The following PDE1C variants were observed in gnomAD, a reference collection of about 807,000 sequenced individuals.
PDE1C encodes dual specificity calcium/calmodulin-dependent 3',5'-cyclic nucleotide phosphodiesterase 1C.
Under a neutral mutation model 93.1 loss-of-function variants are expected in PDE1C, and 62 were observed. The ratio of observed to expected loss-of-function variants is 0.67; its 90% CI spans 0.54 to 0.82. PDE1C has a LOEUF of 0.82. Among genes scored for constraint, PDE1C ranks in the 40% least tolerant of loss-of-function variants. The pLI, the probability that PDE1C is intolerant of heterozygous loss-of-function variation, is 0.00. For synonymous variants in PDE1C, 325 were observed against 310.1 expected, an observed-to-expected ratio of 1.05 and a Z score of -0.50; for missense variants, 742 against 884.6, an observed-to-expected ratio of 0.84 and a Z score of 2.04.
chr7:32,310,662 T>C (rs1246676490), intron 1 of PDE1C, among the ~76,000 whole-genome samples: 14 of 151,928 alleles, frequency 9.2e-5, no homozygotes, highest in Admixed American at 6.6e-4. Flanking sequence ...ACTGGGTACA[T>C]AATGAAATGA....
At chr7:32,054,436 T>C (rs1315566012) in intron 1 of PDE1C, among the ~76,000 whole-genome samples, 2 of 152,182 alleles carry the variant, frequency 1.3e-5, no homozygotes, top group African/African-American at 2.4e-5. Flanking sequence ...GTGCCTGCCA[T>C]GTAAGAGGCA....
the PDE1C span, among the ~76,000 whole-genome samples, chr7:31,720,019 C>T: frequency 3.3e-5 from 5 of 150,590 alleles, no homozygotes; most frequent in Non-Finnish European, 5.9e-5. Flanking sequence ...AAAAATTAGC[C>T]GGGCGCGGTG....
At chr7:31,890,379 T>A (rs948610294) in intron 2 of PDE1C, among the ~76,000 whole-genome samples, 2 of 152,226 alleles carry the variant, frequency 1.3e-5, no homozygotes, top group Non-Finnish European at 2.9e-5. Flanking sequence ...CATCTTTGAA[T>A]GGCACTAATG....
Position 31,775,684 on chromosome 7 carries a change from G to A in PDE1C, c.1940C>T (p.Thr647Met), listed in dbSNP as rs755306360. ...CCCACCTGGCAACGTAAGGCGACAC[G>A]TGGAGCTGGTGCTTGGGGCTGGTGA... ...HGSPAPSTSS[T>M]CRLTLPVIKP... Residue 647 changes from threonine to methionine, a missense_variant, in exon 17 of 18, where the codon ACG (threonine) becomes ATG (methionine). Physicochemically the swap from Thr to Met is moderately conservative, Grantham distance 81. This residue lies in a region of PDE1C where 454 missense variants were observed against 459.4 expected (regional missense o/e 0.99). Transcript: ENST00000396191. 1.8e-5 allele frequency: 29 copies of A among 1,612,836 alleles called. No individual in the cohort carries two copies. In the East Asian group the frequency reaches 4.0e-4, roughly 22 times the overall value.
At chr7:31,651,010 T>A in the PDE1C span, 14 of 921,874 alleles carry the variant, frequency 1.5e-5, no homozygotes, top group African/African-American at 3.4e-5. Flanking sequence ...TCCTATTCCC[T>A]CCCCCTTATA....
chr7:31,824,644 T>C (rs1045585768), intron 13 of PDE1C, among the ~76,000 whole-genome samples: 2 of 152,122 alleles, frequency 1.3e-5, no homozygotes, highest in African/African-American at 4.8e-5. Flanking sequence ...AGGTGCCTGC[T>C]GGTCACGATT....
chr7:32,070,022 C>A (rs1037890524), intron 1 of PDE1C, among the ~76,000 whole-genome samples: 2 of 152,148 alleles, frequency 1.3e-5, no homozygotes, highest in Non-Finnish European at 1.5e-5. Context: ...AGTATTGGGC[C>A]ACCATAACTG....
the PDE1C span, chr7:31,707,342 G>A: frequency 2.1e-6 from 3 of 1,418,904 alleles, no homozygotes; most frequent in Admixed American, 4.0e-5. Context: ...TGGTGACCTA[G>A]AGAAAAAATA....
chr7:31,737,227 C>T, the PDE1C span, among the ~76,000 whole-genome samples: 1 of 152,022 alleles, frequency 6.6e-6, no homozygotes, highest in Non-Finnish European at 1.5e-5. Context: ...AATCCTCTCA[C>T]CTCAGCCTCC....
intron 1 of PDE1C, among the ~76,000 whole-genome samples, chr7:32,348,363 T>C (rs1783894020): frequency 7.5e-6 from 1 of 134,066 alleles, no homozygotes; most frequent in African/African-American, 2.8e-5. Context: ...GTGCTTTTTT[T>C]TTTTTTTTTT....
intron 3 of PDE1C, among the ~76,000 whole-genome samples, chr7:32,096,574 CT>C (rs1244759089): frequency 6.6e-6 from 1 of 152,170 alleles, no homozygotes; most frequent in African/African-American, 2.4e-5. Flanking sequence ...AGTTCTAAAT[CT>C]GTCTTGTGGG....
intron 3 of PDE1C, among the ~76,000 whole-genome samples, chr7:32,092,706 CT>C (rs1319833319): frequency 1.3e-5 from 2 of 152,130 alleles, no homozygotes; most frequent in Non-Finnish European, 2.9e-5. Flanking sequence ...GCTTTCAGGG[CT>C]TGCCTTTTAA....
At chr7:31,825,303 C>T (rs185241260) in intron 12 of PDE1C, among the ~76,000 whole-genome samples, 3 of 152,226 alleles carry the variant, frequency 2.0e-5, no homozygotes, top group African/African-American at 7.2e-5. Flanking sequence ...GAAGTTGTGA[C>T]ATTTGAGCTG....
chr7:31,843,448 T>C (rs1250717291), intron 9 of PDE1C, among the ~76,000 whole-genome samples: 1 of 151,908 alleles, frequency 6.6e-6, no homozygotes, highest in Admixed American at 6.6e-5. Context: ...AAAATCTCCT[T>C]TCTCTTTCAC....
At chr7:31,743,970 G>A in the PDE1C span, among the ~76,000 whole-genome samples, 2 of 152,186 alleles carry the variant, frequency 1.3e-5, no homozygotes, top group African/African-American at 4.8e-5. Context: ...GCTGCCCCCA[G>A]ATGTAGGACA....
intron 3 of PDE1C, among the ~76,000 whole-genome samples, chr7:32,118,262 G>A (rs1799097834): frequency 6.6e-6 from 1 of 152,214 alleles, no homozygotes; most frequent in Non-Finnish European, 1.5e-5. Flanking sequence ...AGGAACATCT[G>A]TGAGCAGATA....
intron 16 of PDE1C, among the ~76,000 whole-genome samples, chr7:31,791,531 T>C (rs969887095): frequency 6.6e-6 from 1 of 152,124 alleles, no homozygotes; most frequent in East Asian, 1.9e-4. Context: ...GACCCTGCCA[T>C]TATCAACTTG....
At chr7:32,254,654 G>C (rs1158606286) in intron 1 of PDE1C, among the ~76,000 whole-genome samples, 1 of 152,190 alleles carries the variant, frequency 6.6e-6, no homozygotes, top group Non-Finnish European at 1.5e-5. Flanking sequence ...TGCAGAGTAA[G>C]TGTGTATGTT....
At chr7:31,684,099 G>A in the PDE1C span, among the ~76,000 whole-genome samples, 1 of 152,140 alleles carries the variant, frequency 6.6e-6, no homozygotes, top group Non-Finnish European at 1.5e-5. Context: ...ATTACCATCT[G>A]CCCTGTCAGT....
Sources: gnomAD v4.1 joint callset for allele counts (sites outside exome capture counted in the v4.1 genomes callset) on GRCh38, gnomAD v4.1.1 for gene constraint, gnomAD v4.1.1 regional missense constraint, MANE v1.5 for transcripts, NCBI Gene and HGNC (gene_info 2026-07-23, HGNC 2026-07-21) for gene names.